NDUFAF6: variants seen among roughly 807,000 people sequenced by gnomAD.
NDUFAF6 encodes the protein NADH dehydrogenase (ubiquinone) complex I, assembly factor 6.
NDUFAF6 carries 45 observed loss-of-function variants against 40.8 expected under a neutral mutation model. The ratio of observed to expected loss-of-function variants is 1.10; its 90% CI spans 0.87 to 1.42. The LOEUF is 1.42. Ranked by LOEUF, NDUFAF6 falls within the 40% of genes most tolerant of loss-of-function variation. The probability of loss-of-function intolerance (pLI) is 0.00; values close to 1 mark genes in which losing one functional copy is unlikely to be tolerated. For synonymous variants in NDUFAF6, 185 were observed against 155.9 expected (o/e 1.19, Z -1.39); for missense variants, 435 against 418.5 (o/e 1.04, Z -0.34).
chr8:95,063,017 TG>T (rs1264916686), downstream of NDUFAF6, among the ~76,000 whole-genome samples: 2 of 152,268 alleles, frequency 1.3e-5, no homozygotes, highest in East Asian at 3.9e-4. Context: ...GAAACCAGGT[TG>T]TTAAGTACAG....
chr8:95,097,133 TAGAG>T (rs1226128990), upstream of NDUFAF6, among the ~76,000 whole-genome samples: 2 of 152,198 alleles, frequency 1.3e-5, no homozygotes, highest in Non-Finnish European at 2.9e-5. Flanking sequence ...ATTATGAACT[TAGAG>T]AGAACGTCCC....
At chr8:95,047,204 T>C in intron 6 of NDUFAF6, 77 bp downstream of exon 6, 1 of 1,595,640 alleles carries the variant, frequency 6.3e-7, no homozygotes, top group Non-Finnish European at 8.6e-7. Context: ...CTTTTTTGCT[T>C]AGTCTATTCA....
At chr8:95,069,804 T>C (rs895889322) in intron 9 of NDUFAF6, among the ~76,000 whole-genome samples, 1 of 144,646 alleles carries the variant, frequency 6.9e-6, no homozygotes, top group African/African-American at 2.5e-5. Context: ...ATTATATATA[T>C]ATATATAAAT....
intron 1 of NDUFAF6, among the ~76,000 whole-genome samples, chr8:94,901,477 G>GC (rs1291840885): frequency 6.6e-6 from 1 of 152,018 alleles, no homozygotes; most frequent in Non-Finnish European, 1.5e-5. Context: ...TAAAAGGCAA[G>GC]CAACTAGATG....
intron 9 of NDUFAF6, among the ~76,000 whole-genome samples, chr8:95,069,653 G>A (rs1375079228): frequency 2.7e-5 from 4 of 150,500 alleles, no homozygotes; most frequent in Admixed American, 6.6e-5. Context: ...GGTGATGGGC[G>A]CCTATAATCC....
upstream of NDUFAF6, among the ~76,000 whole-genome samples, chr8:95,021,165 A>G (rs1325024354): frequency 6.6e-6 from 1 of 152,200 alleles, no homozygotes; most frequent in East Asian, 1.9e-4. Flanking sequence ...AAAACAGTGT[A>G]ATAAACATTG....
At chr8:94,953,760 C>T (rs911556653), upstream of NDUFAF6, among the ~76,000 whole-genome samples, 12 of 152,220 alleles carry the variant, frequency 7.9e-5, no homozygotes, top group African/African-American at 2.4e-4. Flanking sequence ...ACATAAGCCA[C>T]ACACTGCCTA....
intron 2 of NDUFAF6, among the ~76,000 whole-genome samples, chr8:94,982,630 C>T (rs759416371): frequency 9.9e-5 from 15 of 152,280 alleles, no homozygotes; most frequent in Admixed American, 3.9e-4. Flanking sequence ...GTGGTTTAGC[C>T]CTTTGACTGC....
At chr8:95,016,801 G>C (rs1440159037) in intron 2 of NDUFAF6, among the ~76,000 whole-genome samples, 1 of 152,090 alleles carries the variant, frequency 6.6e-6, no homozygotes, top group Non-Finnish European at 1.5e-5. Flanking sequence ...TAATCAATCA[G>C]AGTCCCAACA....
At chr8:94,923,846 ATT>A (rs35262371) in intron 1 of NDUFAF6, among the ~76,000 whole-genome samples, 16 of 143,474 alleles carry the variant, frequency 1.1e-4, no homozygotes, top group Non-Finnish European at 2.1e-4. Context: ...CGCCCGACTA[ATT>A]TTTTTTTTTT....
chr8:95,042,311 A>G (rs1426516451), intron 4 of NDUFAF6, among the ~76,000 whole-genome samples: 3 of 152,198 alleles, frequency 2.0e-5, no homozygotes, highest in Non-Finnish European at 2.9e-5. Flanking sequence ...GATATTAATT[A>G]CATGCTGTTG....
chr8:95,005,548 TATATAAAA>T (rs1184120863), intron 2 of NDUFAF6, among the ~76,000 whole-genome samples: 2 of 137,666 alleles, frequency 1.5e-5, no homozygotes, highest in African/African-American at 5.7e-5. Flanking sequence ...TATATATATA[TATATAAAA>T]AATATATTAA....
chr8:95,043,367 G>T (rs551738927), intron 4 of NDUFAF6, among the ~76,000 whole-genome samples: 1 of 152,064 alleles, frequency 6.6e-6, no homozygotes, highest in East Asian at 1.9e-4. Context: ...GGGATTACAG[G>T]CTTGAGCCAC....
chr8:95,075,639 A>G, exon 10 of NDUFAF6: 1 of 1,288,484 alleles, frequency 7.8e-7, no homozygotes, highest in Non-Finnish European at 1.0e-6. Context: ...GCAGGAAATT[A>G]AGGATGCAGA....
At chr8:95,078,844 T>C (rs1454647338), downstream of NDUFAF6, among the ~76,000 whole-genome samples, 1 of 152,034 alleles carries the variant, frequency 6.6e-6, no homozygotes, top group African/African-American at 2.4e-5. Context: ...CTTTGCAGTG[T>C]GCAGTTCAGA....
chr8:94,909,348 CAAA>C (rs556065794), intron 1 of NDUFAF6, among the ~76,000 whole-genome samples: 107 of 91,862 alleles, frequency 1.2e-3, no homozygotes, highest in Admixed American at 1.7e-3. Context: ...GACTCCGTCT[CAAA>C]AAAAAAAAAA....
downstream of NDUFAF6, among the ~76,000 whole-genome samples, chr8:95,077,012 TA>T (rs1266295742): frequency 6.6e-6 from 1 of 152,136 alleles, no homozygotes; most frequent in Non-Finnish European, 1.5e-5. Flanking sequence ...GAGTGGGCCC[TA>T]ATCCACTATA....
chr8:95,061,439 G>A (rs946064474), downstream of NDUFAF6, among the ~76,000 whole-genome samples: 2 of 152,150 alleles, frequency 1.3e-5, no homozygotes, highest in African/African-American at 4.8e-5. Flanking sequence ...ACATCCTACT[G>A]TTTGTTCCTG....
intron 5 of NDUFAF6, 34 bp from the exon 6 acceptor site, chr8:95,046,960 A>G: frequency 1.9e-6 from 3 of 1,613,480 alleles, no homozygotes; most frequent in Non-Finnish European, 1.7e-6. Context: ...TGCACTTAGA[A>G]TAGAGCAGCC....
Sources: allele counts gnomAD v4.1 joint callset (sites outside exome capture counted in the v4.1 genomes callset), GRCh38; gene constraint gnomAD v4.1.1; transcripts MANE v1.5; gene names NCBI Gene and HGNC (gene_info 2026-07-23, HGNC 2026-07-21).